ZNF407: variants seen among roughly 807,000 people sequenced by gnomAD.
ZNF407 encodes the protein zinc finger protein 407.
ZNF407 carries 17 observed loss-of-function variants against 131.2 expected under a neutral mutation model. That is an observed-to-expected ratio of 0.13 (90% CI 0.09 to 0.19). The LOEUF (loss-of-function observed/expected upper bound fraction) is 0.19, where lower values mean the gene tolerates loss of function less well. ZNF407 is among the 10% of genes least tolerant of loss of function. The probability of loss-of-function intolerance (pLI) is 1.00; values close to 1 mark genes in which losing one functional copy is unlikely to be tolerated. For synonymous variants in ZNF407, 1,156 were observed against 1,062.0 expected, an observed-to-expected ratio of 1.09 and a Z score of -1.72; for missense variants, 2,681 against 2,830.6, an observed-to-expected ratio of 0.95 and a Z score of 1.20.
intron 8 of ZNF407, among the ~76,000 whole-genome samples, chr18:75,049,156 A>G (rs1170558847): frequency 6.6e-6 from 1 of 151,302 alleles, no homozygotes; most frequent in Admixed American, 6.6e-5. Context: ...CTGGTGTGAT[A>G]TATAATTGCA....
At chr18:74,875,624 A>G (rs1393579571) in intron 4 of ZNF407, among the ~76,000 whole-genome samples, 1 of 152,184 alleles carries the variant, frequency 6.6e-6, no homozygotes, top group Non-Finnish European at 1.5e-5. Flanking sequence ...TGTTAAATGC[A>G]TGAAGACCCG....
At chr18:74,964,189 G>A (rs1972382152) in intron 8 of ZNF407, among the ~76,000 whole-genome samples, 1 of 152,162 alleles carries the variant, frequency 6.6e-6, no homozygotes, top group South Asian at 2.1e-4. Context: ...ATGGATCCCT[G>A]GACCCCAAAT....
Position 75,063,998 on chromosome 18 carries a change from G to A in ZNF407, c.6277G>A (p.Ala2093Thr), listed in dbSNP as rs201798922. The A allele has an allele frequency of 3.2e-4, 508 of 1,611,154 alleles. 3 individuals carry two copies. The African/African-American group carries it at 5.9e-3, about 19-fold the overall frequency. ...CCAGTTTGCTGTGTGTGACACGGCC[G>A]CGGCCGGCCAGTTGGTCAAGGACGG... ...VLQFAVCDTA[A>T]AGQLVKDGVT... The change falls in exon 9 of 9, where the codon GCG (alanine) becomes ACG (threonine). Residue 2093 changes from alanine to threonine, a missense_variant. Ala to Thr is a moderately conservative substitution (Grantham distance 58). Transcript: ENST00000299687. The surrounding 1 kb of genome is among the most constrained non-coding windows in gnomAD (Gnocchi z 6.6).
chr18:74,620,810 A>G (rs1420068373), intron 1 of ZNF407, among the ~76,000 whole-genome samples: 2 of 152,174 alleles, frequency 1.3e-5, no homozygotes, highest in African/African-American at 2.4e-5. Flanking sequence ...CTTCTGTAGC[A>G]TAAGTGGCCA....
intron 3 of ZNF407, among the ~76,000 whole-genome samples, chr18:74,754,052 A>G (rs1318782040): frequency 1.3e-5 from 2 of 152,140 alleles, no homozygotes; most frequent in Admixed American, 6.5e-5. Flanking sequence ...CAGGGATTCA[A>G]CTTCTTCCTG....
chr18:74,852,355 A>G (rs1475163456), intron 4 of ZNF407, among the ~76,000 whole-genome samples: 1 of 152,208 alleles, frequency 6.6e-6, no homozygotes, highest in Non-Finnish European at 1.5e-5. Flanking sequence ...AATAGTATTT[A>G]TACCTAAAAA....
At chr18:75,003,353 A>G (rs1365036851) in intron 8 of ZNF407, among the ~76,000 whole-genome samples, 1 of 152,206 alleles carries the variant, frequency 6.6e-6, no homozygotes, top group Non-Finnish European at 1.5e-5. Context: ...CTTTCCTTCA[A>G]GGAGGCTATT....
At chr18:75,033,145 A>T (rs1311716945) in intron 8 of ZNF407, among the ~76,000 whole-genome samples, 2 of 136,864 alleles carry the variant, frequency 1.5e-5, no homozygotes, top group Non-Finnish European at 3.1e-5. Flanking sequence ...GGAAGACAGT[A>T]TTAGATAACT....
intron 6 of ZNF407, among the ~76,000 whole-genome samples, chr18:74,885,301 G>A (rs767784552): frequency 5.9e-5 from 9 of 152,122 alleles, no homozygotes; most frequent in South Asian, 2.1e-4. Flanking sequence ...GTTAATAAAC[G>A]ATGTGCAAAA....
chr18:74,852,448 A>G (rs1970803113), intron 4 of ZNF407, among the ~76,000 whole-genome samples: 1 of 152,028 alleles, frequency 6.6e-6, no homozygotes, highest in African/African-American at 2.4e-5. Context: ...TTTGGAACAA[A>G]ATCTGGAATT....
At chr18:75,051,762 C>T (rs890021454) in intron 8 of ZNF407, among the ~76,000 whole-genome samples, 3 of 152,302 alleles carry the variant, frequency 2.0e-5, no homozygotes, top group African/African-American at 7.2e-5. Flanking sequence ...TCCAGCCATG[C>T]TGCTGCTAGT....
intron 8 of ZNF407, among the ~76,000 whole-genome samples, chr18:75,018,277 C>T (rs1973068474): frequency 6.6e-6 from 1 of 151,378 alleles, no homozygotes; most frequent in Admixed American, 6.6e-5. Context: ...AGAAAAAACC[C>T]AAGCACCTAT....
rs146635665 is a variant in ZNF407, at chr18:74,634,745, T to C, written c.3726T>C (p.Gly1242=). The C allele has an allele frequency of 5.1e-3, 8,306 of 1,613,854 alleles. 38 individuals carry two copies. The highest frequency in any genetic ancestry group is 9.0e-3 in the South Asian group (824 of 91,070). ...GAGGAAACGCAGGAGACGGTGGAGG[T>C]GTTGTCCCCCACAGACACCTGTGCC... is the stretch of plus-strand genomic sequence containing the variant. ...GEGGNAGDGG[G]VVPHRHLCPV... The change falls in exon 2 of 9, where the codon GGT becomes GGC. Residue 1242 remains glycine (G), a synonymous_variant. Transcript: ENST00000299687.
chr18:74,833,595 C>T (rs1299282485), intron 4 of ZNF407, among the ~76,000 whole-genome samples: 9 of 152,244 alleles, frequency 5.9e-5, no homozygotes, highest in Non-Finnish European at 1.2e-4. Context: ...GGACACACAG[C>T]GCGAGGGGGA....
At chr18:74,796,812 A>G (rs912778288) in intron 4 of ZNF407, among the ~76,000 whole-genome samples, 2 of 152,186 alleles carry the variant, frequency 1.3e-5, no homozygotes, top group East Asian at 3.8e-4. Flanking sequence ...AGTCCTTGAG[A>G]CGGAATTTAT....
At chr18:74,938,490 G>C (rs1020919703) in intron 8 of ZNF407, among the ~76,000 whole-genome samples, 2 of 151,992 alleles carry the variant, frequency 1.3e-5, no homozygotes, top group African/African-American at 4.8e-5. Context: ...CTTTTAGATC[G>C]TCTTAATTTT....
chr18:74,717,793 T>C (rs191325309), intron 3 of ZNF407, among the ~76,000 whole-genome samples: 84 of 152,346 alleles, frequency 5.5e-4, no homozygotes, highest in African/African-American at 1.9e-3. Flanking sequence ...ATAATATACT[T>C]ACTGGTTCAG....
chr18:74,632,605 C>G lies in ZNF407; in HGVS notation c.1586C>G (p.Ala529Gly). Residue 529 changes from alanine to glycine, a missense_variant, in exon 2 of 9, where the codon GCT becomes GGT. Ala to Gly is a moderately conservative substitution (Grantham distance 60, BLOSUM62 0). Around this residue, in one of 6 missense-constraint regions of ZNF407, gnomAD observed 1,789 missense variants for 1,748.7 expected, o/e 1.02. Coordinates refer to ENST00000299687, the MANE Select transcript of ZNF407 (RefSeq NM_017757.3). The part of the protein sequence containing the change: ...KPASGSQTLC[A>G]CTDCGQVATN... ...GCTTCTGGCTCTCAGACGTTGTGTG[C>G]TTGTACAGACTGTGGGCAAGTAGCT... 1 of 1,614,042 alleles carries G rather than the reference C, an allele frequency of 6.2e-7. No individual in the cohort carries two copies. The highest frequency in any genetic ancestry group is 8.5e-7 in the Non-Finnish European group (1 of 1,179,900).
intron 3 of ZNF407, among the ~76,000 whole-genome samples, chr18:74,736,737 ACGAG>A (rs1171773300): frequency 1.3e-5 from 2 of 152,174 alleles, no homozygotes; most frequent in Non-Finnish European, 2.9e-5. Context: ...AGAAATAAAA[ACGAG>A]AATAAATTTC....
Sources: gnomAD v4.1 joint callset for allele counts (sites outside exome capture counted in the v4.1 genomes callset) on GRCh38, gnomAD v4.1.1 for gene constraint, gnomAD v4.1.1 regional missense constraint, Gnocchi (gnomAD v3.1) non-coding constraint, MANE v1.5 for transcripts, NCBI Gene and HGNC (gene_info 2026-07-23, HGNC 2026-07-21) for gene names.